The following TRPC4AP variants were observed in gnomAD, a reference collection of about 807,000 sequenced individuals.
The protein encoded by TRPC4AP is transient receptor potential cation channel subfamily C member 4 associated protein.
A neutral mutation model predicts 99.0 loss-of-function variants in TRPC4AP; 45 were observed. That is an observed-to-expected ratio of 0.45 (90% confidence interval 0.36 to 0.58). The LOEUF (loss-of-function observed/expected upper bound fraction) is 0.58, where lower values mean the gene tolerates loss of function less well. Ranked by LOEUF, TRPC4AP falls within the 20% of genes least tolerant of loss-of-function variation. The pLI is 0.00. For missense variants in TRPC4AP, 879 were observed against 985.3 expected (o/e 0.89, Z 1.44); for synonymous variants, 408 against 385.8 (o/e 1.06, Z -0.67).
At chr20:35,022,346 G>C (rs1324331631) in intron 8 of TRPC4AP, among the ~76,000 whole-genome samples, 1 of 152,120 alleles carries the variant, frequency 6.6e-6, no homozygotes, top group Non-Finnish European at 1.5e-5. Flanking sequence ...AGTAGACATG[G>C]GGTTTCACCA....
At chr20:35,068,190 T>C (rs1250549608) in intron 3 of TRPC4AP, among the ~76,000 whole-genome samples, 1 of 152,198 alleles carries the variant, frequency 6.6e-6, no homozygotes, top group Non-Finnish European at 1.5e-5. Context: ...TGGTAATTAT[T>C]GGTGTACTTT....
rs1405320504 is a variant in TRPC4AP, at chr20:35,003,632, C to T, written c.2050-16G>A. The T allele has an allele frequency of 1.9e-6, 3 of 1,609,586 alleles. No individual in the cohort carries two copies. The highest frequency in any genetic ancestry group is 2.7e-5 in the African/African-American group (2 of 74,978). On this transcript the variant is annotated splice_polypyrimidine_tract_variant and intron_variant, in intron 17 of 18. Coordinates refer to ENST00000252015, the MANE Select transcript of TRPC4AP (RefSeq NM_015638.3). The stretch of plus-strand genomic sequence containing the variant: ...TGACGTTCTCCTGCAAGGCCACAGG[C>T]CCACAGGGTCAGGGGCTGGTGGGAG...
rs772136406 is a variant in TRPC4AP at position 35,003,548 on chromosome 20, G to A, written c.2118C>T (p.Pro706=). The change falls in exon 18 of 19, where the codon CCC becomes CCT. Residue 706 remains proline (P), a synonymous_variant. Coordinates refer to ENST00000252015, the MANE Select transcript of TRPC4AP (RefSeq NM_015638.3). ...LMLARRKERL[P]LYLRLLQRME... ...TCCGCTGCAGCAGCCGCAGGTACAG[G>A]GGCAGCCGCTCTTTCCGTCGGGCCA... is the stretch of plus-strand genomic sequence containing the variant. The A allele has an allele frequency of 8.1e-6, 13 of 1,613,866 alleles. No homozygotes were observed. Among genetic ancestry groups the A allele is most frequent in the African/African-American group, 6.7e-5 (5 of 74,928 alleles).
chr20:35,013,084 C>T lies in TRPC4AP; in HGVS notation c.1351-18G>A, dbSNP rs375780392. On this transcript the variant is annotated intron_variant, in intron 10 of 18. Transcript: ENST00000252015. ...GTGATGTCCTGAAACACATGCACAG[C>T]CTCAATGTTAGGACCACAGCCACAA... The T allele has an allele frequency of 1.3e-4, 209 of 1,613,900 alleles. 2 individuals are homozygous for T. In the African/African-American group the frequency reaches 2.4e-3, roughly 19 times the overall value.
chr20:35,082,230 T>C (rs1433184559), intron 1 of TRPC4AP, among the ~76,000 whole-genome samples: 1 of 152,034 alleles, frequency 6.6e-6, no homozygotes, highest in East Asian at 1.9e-4. Flanking sequence ...CAAAAATTAG[T>C]GAGAATACAG....
At chr20:35,019,071 T>C (rs1043152202) in intron 9 of TRPC4AP, among the ~76,000 whole-genome samples, 5 of 152,168 alleles carry the variant, frequency 3.3e-5, no homozygotes, top group African/African-American at 7.2e-5. Flanking sequence ...TTGGCCAAGA[T>C]TGGTCTGAGA....
At chr20:35,031,908 T>C (rs933606468) in intron 8 of TRPC4AP, among the ~76,000 whole-genome samples, 1 of 152,316 alleles carries the variant, frequency 6.6e-6, no homozygotes, top group South Asian at 2.1e-4. Flanking sequence ...AAAGTTTTTT[T>C]TGAGACAAAG....
At chr20:35,077,521 G>C (rs182660003) in intron 2 of TRPC4AP, among the ~76,000 whole-genome samples, 1 of 152,066 alleles carries the variant, frequency 6.6e-6, no homozygotes, top group Admixed American at 6.6e-5. Flanking sequence ...GTGGGGCCCA[G>C]AACTCTGTGT....
At chr20:35,077,362 T>A (rs2084509672) in intron 2 of TRPC4AP, among the ~76,000 whole-genome samples, 1 of 152,200 alleles carries the variant, frequency 6.6e-6, no homozygotes, top group Non-Finnish European at 1.5e-5. Context: ...TACCATAGAC[T>A]GGAGCTGTTC....
intron 12 of TRPC4AP, among the ~76,000 whole-genome samples, chr20:35,009,043 TGAA>T: frequency 6.6e-6 from 1 of 152,174 alleles, no homozygotes; most frequent in African/African-American, 2.4e-5. Context: ...AAAAGTGTGT[TGAA>T]ACAGGTCATG....
At position 35,044,590 on chromosome 20, in the gene TRPC4AP, A is replaced by C; in HGVS notation, c.780T>G (p.Asn260Lys). Residue 260 changes from asparagine to lysine, a missense_variant, in exon 7 of 19, where the codon AAT becomes AAG. Asn to Lys is a moderately conservative substitution (Grantham distance 94). This residue lies in a region of TRPC4AP where 603 missense variants were observed against 631.8 expected (regional missense o/e 0.95). Transcript: ENST00000252015. ...AVTISEMDTG[N>K]DDKHTLLAKN... ...TGGCAAGAAGCGTGTGCTTGTCATC[A>C]TTCCCTGTATCCATCTCTGAAATGG... The C allele has an allele frequency of 6.2e-7, 1 of 1,614,142 alleles. No individual in the cohort carries two copies. Among genetic ancestry groups the C allele is most frequent in the African/African-American group, 1.3e-5 (1 of 75,028 alleles).
intron 5 of TRPC4AP, among the ~76,000 whole-genome samples, chr20:35,054,238 C>T (rs1357585708): frequency 2.7e-5 from 4 of 150,930 alleles, no homozygotes; most frequent in South Asian, 2.1e-4. Flanking sequence ...TTTATAATAG[C>T]GCTCGTCTCA....
At chr20:35,060,585 C>CAAAAAAAA (rs35143678) in intron 3 of TRPC4AP, among the ~76,000 whole-genome samples, 2 of 70,384 alleles carry the variant, frequency 2.8e-5, no homozygotes, top group African/African-American at 1.2e-4. Flanking sequence ...ACCTTGTCTC[C>CAAAAAAAA]AAAAAAAAAA....
intron 7 of TRPC4AP, among the ~76,000 whole-genome samples, chr20:35,036,109 ATGAG>A (rs1356154225): frequency 6.6e-6 from 1 of 152,230 alleles, no homozygotes; most frequent in African/African-American, 2.4e-5. Context: ...TTTATTCACA[ATGAG>A]TGAGGTGGAA....
Position 35,013,035 on chromosome 20 carries a change from A to G in TRPC4AP, c.1382T>C (p.Leu461Pro). The change falls in exon 11 of 19, where the codon CTT (leucine) becomes CCT (proline). Residue 461 changes from leucine (L) to proline (P), a missense_variant. Leu to Pro is a moderately conservative substitution (Grantham distance 98). Transcript: ENST00000252015. Reference protein sequence around the residue: ...DITLKIQFLRLLQSFSDHHEN... With the variant: ...DITLKIQFLRPLQSFSDHHEN... ...GTGGTGGTCACTGAAGCTCTGAAGA[A>G]GCCTCAAAAACTGTATCTTCAAGGT... 6.2e-7 allele frequency: 1 copy of G among 1,614,130 alleles called. No individual in the cohort carries two copies. Among genetic ancestry groups the G allele is most frequent in the Non-Finnish European group, 8.5e-7 (1 of 1,180,032 alleles).
chr20:35,077,776 A>C lies in TRPC4AP; in HGVS notation c.297+270T>G, dbSNP rs371366446. ...AATCACAGGATAGTGTTGACCTCCCAAAATTAAGCAAGCACTGCCACAAAA... is the reference window on the plus strand; with the variant it reads ...AATCACAGGATAGTGTTGACCTCCCCAAATTAAGCAAGCACTGCCACAAAA... On this transcript the variant is annotated intron_variant, in intron 2 of 18. Transcript: ENST00000252015. 3.9e-5 allele frequency among the ~76,000 whole-genome samples: 6 copies of C among 152,188 alleles called. No homozygotes were observed. In the East Asian group the frequency reaches 1.2e-3, roughly 29 times the overall value.
In TRPC4AP at chr20:35,086,557, GTGTGTGTGTGTGTGTGTGTATA is replaced by G. The variant is rs1482468989; in HGVS notation, c.168+6035_168+6056del. ...TGTGTGTGTGTGTGTGTGTGTGTGT[GTGTGTGTGTGTGTGTGTGTATA>G]TATATATGAATAAGACTTTATCCTA... On this transcript the variant is annotated intron_variant, in intron 1 of 18. Coordinates refer to ENST00000252015, the MANE Select transcript of TRPC4AP (RefSeq NM_015638.3). Among the ~76,000 whole-genome samples, 16 of 56,442 alleles carry G rather than the reference GTGTGTGTGTGTGTGTGTGTATA, an allele frequency of 2.8e-4. 1 individual carries two copies. Among genetic ancestry groups the G allele is most frequent in the South Asian group, 1.8e-3 (3 of 1,696 alleles). 37.0% of individuals were successfully genotyped at this position (56,442 alleles called of 152,430 possible). A position where few individuals can be genotyped will look rare whatever the true frequency, so the allele number is the denominator to read the frequency against.
rs1326744027 is a variant in TRPC4AP at position 35,007,771 on chromosome 20, A to G, written c.1596-131T>C. The G allele has an allele frequency of 3.2e-6, 3 of 924,534 alleles. No homozygotes were observed. The East Asian group carries it at 7.7e-5, about 24-fold the overall frequency. The allele number at this position is 924,534 out of a possible 1,614,324, so 57.3% of individuals were successfully genotyped here. ...ATTTACTGAACATCTACCAAGCATC[A>G]GGCTTCATCCTGGGCCTGGGGACAC... On this transcript the variant is annotated intron_variant, in intron 13 of 18. Transcript: ENST00000252015.
At chr20:35,075,218 G>A (rs1438501888) in intron 2 of TRPC4AP, among the ~76,000 whole-genome samples, 1 of 152,002 alleles carries the variant, frequency 6.6e-6, no homozygotes, top group Non-Finnish European at 1.5e-5. Flanking sequence ...TATCCAATTT[G>A]CCAGTCTGTC....
Sources: allele counts gnomAD v4.1 joint callset (sites outside exome capture counted in the v4.1 genomes callset), GRCh38; gene constraint gnomAD v4.1.1; regional missense constraint gnomAD v4.1.1; transcripts MANE v1.5; gene names NCBI Gene and HGNC (gene_info 2026-07-23, HGNC 2026-07-21).